Variants in MINAR2 observed in about 807,000 individuals in gnomAD.
MINAR2 encodes the protein major intrinsically disordered NOTCH2-binding receptor 1-like.
In MINAR2, 21 loss-of-function variants were observed where a neutral mutation model predicts 16.1. The observed-to-expected ratio is 1.31, with a 90% CI of 0.93 to 1.88. The LOEUF is 1.88. Among genes scored for constraint, MINAR2 ranks in the 40% most tolerant of loss-of-function variants. MINAR2 has a pLI of 0.00. For synonymous variants in MINAR2, 86 were observed against 83.0 expected, an observed-to-expected ratio of 1.04 and a Z score of -0.20; for missense variants, 259 against 229.8, an observed-to-expected ratio of 1.13 and a Z score of -0.82.
chr5:129,765,304 A>G lies in MINAR2; in HGVS notation c.*241A>G. The G allele has an allele frequency of 2.8e-6, 1 of 358,312 alleles. No individual in the cohort carries two copies. The highest frequency in any genetic ancestry group is 5.0e-6 in the Non-Finnish European group (1 of 201,322). The allele number at this position is 358,312 out of a possible 1,614,324, so 22.2% of individuals were successfully genotyped here. ...CCACCCTGAACTTTGGGAAGCAGGA[A>G]TTCTGAGGACCATAATCACAGAATA... On this transcript the variant is annotated 3_prime_UTR_variant, in exon 3 of 3. Coordinates refer to ENST00000564719, the MANE Select transcript of MINAR2 (RefSeq NM_001257308.2).
At chr5:129,757,773 AC>A (rs1160520856) in intron 1 of MINAR2, among the ~76,000 whole-genome samples, 1 of 151,914 alleles carries the variant, frequency 6.6e-6, no homozygotes, top group African/African-American at 2.4e-5. Flanking sequence ...CATTTCTCTT[AC>A]TTTAAAATTC....
rs556459236 is a variant in MINAR2, at chr5:129,764,588, C to T, written c.394-296C>T. Among the ~76,000 whole-genome samples, 3 of 152,304 alleles carry T rather than the reference C, an allele frequency of 2.0e-5. No homozygotes were observed. The East Asian group carries it at 5.8e-4, about 29-fold the overall frequency. On this transcript the variant is annotated intron_variant, in intron 2 of 2. Transcript: ENST00000564719. ...TAGAAACACCGTTGTGTTTCTGACC[C>T]TCTGATGTGAGCAATTTAATTAAAG...
chr5:129,748,395 G>A, intron 1 of MINAR2, 40 bp downstream of exon 1: 1 of 1,520,030 alleles, frequency 6.6e-7, no homozygotes, highest in Non-Finnish European at 8.8e-7. Flanking sequence ...ATGGAGGCTT[G>A]TTTCTTTCTC....
At chr5:129,754,748 G>A (rs1405196420) in intron 1 of MINAR2, among the ~76,000 whole-genome samples, 1 of 152,216 alleles carries the variant, frequency 6.6e-6, no homozygotes, top group East Asian at 1.9e-4. Flanking sequence ...AATCCAGAAA[G>A]TGTGTTAACA....
chr5:129,757,596 CTT>C (rs1758071579), intron 1 of MINAR2, among the ~76,000 whole-genome samples: 1 of 151,448 alleles, frequency 6.6e-6, no homozygotes, highest in Non-Finnish European at 1.5e-5. Flanking sequence ...TTTTTGTAGT[CTT>C]TTTAAAGATT....
At chr5:129,761,695 A>AAG in intron 2 of MINAR2, among the ~76,000 whole-genome samples, 1 of 152,128 alleles carries the variant, frequency 6.6e-6, no homozygotes, top group South Asian at 2.1e-4. Flanking sequence ...TCTTAAGGAC[A>AAG]TCTAAAAAGT....
Position 129,765,220 on chromosome 5 carries a change from A to C in MINAR2, c.*157A>C. ...AAATGTAATTGTCCTGAAGAATGTG[A>C]ATGTCAGGCGTGGTATGCTGGCTTC... is the stretch of plus-strand genomic sequence containing the variant. On this transcript the variant is annotated 3_prime_UTR_variant, in exon 3 of 3. Coordinates refer to ENST00000564719, the MANE Select transcript of MINAR2 (RefSeq NM_001257308.2). 1 of 440,974 alleles carries C rather than the reference A, an allele frequency of 2.3e-6. No individual in the cohort carries two copies. Among genetic ancestry groups the C allele is most frequent in the Non-Finnish European group, 3.8e-6 (1 of 265,604 alleles). 27.3% of individuals were successfully genotyped at this position (440,974 alleles called of 1,614,324 possible). A position where few individuals can be genotyped will look rare whatever the true frequency, so the allele number is the denominator to read the frequency against.
Position 129,765,328 on chromosome 5 carries a change from T to C in MINAR2, c.*265T>C, listed in dbSNP as rs968578967. ...AATTCTGAGGACCATAATCACAGAA[T>C]AGTCACTATATGCAACCCACATTAA... is the stretch of plus-strand genomic sequence containing the variant. On this transcript the variant is annotated 3_prime_UTR_variant, in exon 3 of 3. Coordinates refer to ENST00000564719, the MANE Select transcript of MINAR2 (RefSeq NM_001257308.2). 1 of 323,358 alleles carries C rather than the reference T, an allele frequency of 3.1e-6. No homozygotes were observed. The highest frequency in any genetic ancestry group is 4.9e-5 in the Admixed American group (1 of 20,596). The allele number at this position is 323,358 out of a possible 1,614,324, so 20.0% of individuals were successfully genotyped here.
At chr5:129,762,613 C>G (rs560316766) in intron 2 of MINAR2, 26 of 320,034 alleles carry the variant, frequency 8.1e-5, no homozygotes, top group African/African-American at 5.2e-4. Flanking sequence ...CACAATCAGT[C>G]AGGTTTTCTG....
At chr5:129,751,889 C>A (rs1757989207) in intron 1 of MINAR2, among the ~76,000 whole-genome samples, 1 of 152,030 alleles carries the variant, frequency 6.6e-6, no homozygotes, top group Non-Finnish European at 1.5e-5. Flanking sequence ...GTTTTTCAAA[C>A]AACCCCATCA....
At chr5:129,751,030 G>T (rs900149627) in intron 1 of MINAR2, among the ~76,000 whole-genome samples, 1 of 152,194 alleles carries the variant, frequency 6.6e-6, no homozygotes, top group East Asian at 1.9e-4. Flanking sequence ...CTTCAAACTC[G>T]GGGTAACTCA....
intron 1 of MINAR2, among the ~76,000 whole-genome samples, chr5:129,753,758 A>G (rs1275491625): frequency 2.0e-5 from 3 of 151,098 alleles, no homozygotes; most frequent in African/African-American, 2.4e-5. Context: ...GTTGAAAGAG[A>G]GAGAGAGAGA....
Position 129,754,272 on chromosome 5 carries a change from G to A in MINAR2, c.165+5917G>A, listed in dbSNP as rs552303348. 3.9e-5 allele frequency among the ~76,000 whole-genome samples: 6 copies of A among 152,234 alleles called. No individual in the cohort carries two copies. In the East Asian group the frequency reaches 9.7e-4, roughly 25 times the overall value. On this transcript the variant is annotated intron_variant, in intron 1 of 2. Transcript: ENST00000564719. ...TTTTGAATTTTACCCTGAAAATTTT[G>A]AAGAATCAGTGAAAAATTTAAGCAG... is the stretch of plus-strand genomic sequence containing the variant.
chr5:129,754,760 C>T (rs986975092), intron 1 of MINAR2, among the ~76,000 whole-genome samples: 2 of 152,104 alleles, frequency 1.3e-5, no homozygotes, highest in African/African-American at 4.8e-5. Flanking sequence ...GTGTTAACAT[C>T]TATTTTGCCC....
At chr5:129,754,172 G>C (rs1286302379) in intron 1 of MINAR2, among the ~76,000 whole-genome samples, 1 of 152,160 alleles carries the variant, frequency 6.6e-6, no homozygotes, top group African/African-American at 2.4e-5. Context: ...CTGGTTATCT[G>C]CAGGGAAAGG....
At chr5:129,755,443 T>C (rs1394956546) in intron 1 of MINAR2, among the ~76,000 whole-genome samples, 2 of 152,112 alleles carry the variant, frequency 1.3e-5, no homozygotes, top group East Asian at 3.8e-4. Context: ...CAAAACCCTC[T>C]GACATGCTGT....
At chr5:129,754,843 T>A (rs1288032691) in intron 1 of MINAR2, among the ~76,000 whole-genome samples, 1 of 152,208 alleles carries the variant, frequency 6.6e-6, no homozygotes, top group Non-Finnish European at 1.5e-5. Context: ...TATTTACTTA[T>A]GTTTCTATTC....
chr5:129,764,155 G>T (rs1164649675), intron 2 of MINAR2, among the ~76,000 whole-genome samples: 1 of 152,152 alleles, frequency 6.6e-6, no homozygotes, highest in Non-Finnish European at 1.5e-5. Context: ...CAGGAGATCA[G>T]GTTGACTTGA....
In MINAR2 at chr5:129,757,065, A is replaced by AATAT. The variant is rs58719695; in HGVS notation, c.166-3298_166-3295dup. On this transcript the variant is annotated intron_variant, in intron 1 of 2. Transcript: ENST00000564719. ...ATTATATATGCCATATGTATCACCT[A>AATAT]ATATATATATATATATATCTCATCA... Among the ~76,000 whole-genome samples the AATAT allele has an allele frequency of 6.9e-3, 999 of 145,524 alleles. 12 individuals are homozygous for AATAT. The highest frequency in any genetic ancestry group is 0.029 in the Middle Eastern group (8 of 276).
Sources: gnomAD v4.1 joint callset for allele counts (sites outside exome capture counted in the v4.1 genomes callset) on GRCh38, gnomAD v4.1.1 for gene constraint, MANE v1.5 for transcripts, NCBI Gene and HGNC (gene_info 2026-07-23, HGNC 2026-07-21) for gene names.